The following NFX1 variants were observed in gnomAD, a reference collection of about 807,000 sequenced individuals.
The protein encoded by NFX1 is nuclear transcription factor, X-box binding 1.
NFX1 carries 69 observed loss-of-function variants against 137.2 expected under a neutral mutation model. The observed-to-expected ratio is 0.50, with a 90% confidence interval of 0.41 to 0.61. NFX1 has a LOEUF of 0.61. Ranked by LOEUF, NFX1 falls within the 20% of genes least tolerant of loss-of-function variation. The pLI, the probability that NFX1 is intolerant of heterozygous loss-of-function variation, is 0.00. For synonymous variants in NFX1, 495 were observed against 474.1 expected (o/e 1.04, Z -0.57); for missense variants, 1,167 against 1,391.0 (o/e 0.84, Z 2.56).
At chr9:33,317,290 G>A (rs1021960014) in intron 7 of NFX1, among the ~76,000 whole-genome samples, 14 of 151,496 alleles carry the variant, frequency 9.2e-5, no homozygotes, top group Admixed American at 2.6e-4. Context: ...GTAGTGGCAC[G>A]CACCTGTACT....
chr9:33,293,903 A>G (rs1426447821), intron 1 of NFX1, among the ~76,000 whole-genome samples: 2 of 152,244 alleles, frequency 1.3e-5, no homozygotes, highest in Non-Finnish European at 2.9e-5. Context: ...TGAAATAAGT[A>G]TTGTCATCCT....
intron 9 of NFX1, among the ~76,000 whole-genome samples, chr9:33,324,611 G>A (rs998762962): frequency 1.3e-5 from 2 of 151,990 alleles, no homozygotes; most frequent in South Asian, 2.1e-4. Flanking sequence ...CAGAAGAAAC[G>A]ATCAGTGAAC....
intron 11 of NFX1, among the ~76,000 whole-genome samples, chr9:33,334,524 A>T (rs1018091946): frequency 6.6e-6 from 1 of 151,492 alleles, no homozygotes; most frequent in African/African-American, 2.4e-5. Context: ...TATGAAGTTT[A>T]AAAAAAAATA....
At chr9:33,335,112 A>G (rs4879685) in intron 11 of NFX1, among the ~76,000 whole-genome samples, 89,989 of 152,044 alleles carry the variant, frequency 0.59, 32,268 homozygotes, top group Non-Finnish European at 0.77. Flanking sequence ...TTCACATAAC[A>G]TAATTAACCA....
At chr9:33,322,259 A>G (rs766650826) in intron 9 of NFX1, among the ~76,000 whole-genome samples, 4 of 151,954 alleles carry the variant, frequency 2.6e-5, no homozygotes, top group Non-Finnish European at 5.9e-5. Flanking sequence ...AAATGAAGAC[A>G]TATTTATTCA....
chr9:33,342,903 A>T (rs756761905), intron 13 of NFX1, 49 bp downstream of exon 13: 15 of 1,209,674 alleles, frequency 1.2e-5, no homozygotes, highest in Non-Finnish European at 1.8e-5. Flanking sequence ...TTAGAAATTC[A>T]GACATAATAT....
intron 9 of NFX1, among the ~76,000 whole-genome samples, chr9:33,326,773 T>C (rs1429477325): frequency 1.3e-5 from 2 of 152,326 alleles, no homozygotes; most frequent in Middle Eastern, 3.4e-3. Context: ...TCAGCTTCTT[T>C]AATAGATATA....
intron 7 of NFX1, among the ~76,000 whole-genome samples, chr9:33,317,440 GAAAGA>G (rs780936274): frequency 4.0e-4 from 51 of 128,356 alleles, no homozygotes; most frequent in African/African-American, 8.4e-4. Flanking sequence ...AAAAAAGAAA[GAAAGA>G]AAAGAAAAGA....
At chr9:33,301,536 G>A in intron 3 of NFX1, 115 bp downstream of exon 3, 1 of 1,124,690 alleles carries the variant, frequency 8.9e-7, no homozygotes, top group Non-Finnish European at 1.3e-6. Flanking sequence ...TTTCTGCAGG[G>A]AGAGTATGTT....
intron 21 of NFX1, among the ~76,000 whole-genome samples, 154 bp from the exon 22 acceptor site, chr9:33,366,475 C>T (rs151073937): frequency 6.6e-6 from 1 of 152,276 alleles, no homozygotes; most frequent in East Asian, 1.9e-4. Flanking sequence ...CCAAACCCCT[C>T]CAGGCTTGCT....
At chr9:33,310,778 A>G (rs1205113516) in intron 5 of NFX1, among the ~76,000 whole-genome samples, 1 of 152,174 alleles carries the variant, frequency 6.6e-6, no homozygotes, top group Admixed American at 6.5e-5. Flanking sequence ...GTAGCAAACT[A>G]TTTTTATCCC....
chr9:33,323,389 A>G (rs1254292519), intron 9 of NFX1, among the ~76,000 whole-genome samples: 1 of 152,226 alleles, frequency 6.6e-6, no homozygotes, highest in Non-Finnish European at 1.5e-5. Flanking sequence ...AAAACAGGCA[A>G]CAGAAACTGC....
chr9:33,325,918 T>C (rs1375068945), intron 9 of NFX1, among the ~76,000 whole-genome samples: 1 of 152,150 alleles, frequency 6.6e-6, no homozygotes, highest in Non-Finnish European at 1.5e-5. Flanking sequence ...TATTTCTTCT[T>C]CTCAACTGAT....
chr9:33,335,697 A>T (rs1267038806), intron 11 of NFX1, among the ~76,000 whole-genome samples: 1 of 152,042 alleles, frequency 6.6e-6, no homozygotes, highest in Non-Finnish European at 1.5e-5. Context: ...TTAATTAAGC[A>T]TTTACTCCCC....
intron 4 of NFX1, among the ~76,000 whole-genome samples, chr9:33,305,868 A>C (rs950558557): frequency 6.6e-6 from 1 of 152,234 alleles, no homozygotes; most frequent in South Asian, 2.1e-4. Flanking sequence ...GCAATATTTG[A>C]GGAAAGACCA....
Position 33,344,180 on chromosome 9 carries a change from A to G in NFX1, c.2336A>G (p.Asp779Gly). The G allele has an allele frequency of 2.5e-6, 4 of 1,613,882 alleles. No individual in the cohort carries two copies. The highest frequency in any genetic ancestry group is 3.4e-6 in the Non-Finnish European group (4 of 1,179,870). The change falls in exon 14 of 24, where the codon GAC becomes GGC. Residue 779 changes from aspartate to glycine, a missense_variant. Physicochemically the swap from Asp to Gly is moderately conservative, Grantham distance 94 (BLOSUM62 -1). Around this residue, in one of 3 missense-constraint regions of NFX1, gnomAD observed 488 missense variants for 691.5 expected, o/e 0.71. Coordinates refer to ENST00000379540, the MANE Select transcript of NFX1 (RefSeq NM_002504.6). ...ACCTGCGCTAGAGTCCATGAGTGTG[A>G]CCATCCAGGTGAGTACCAACTTGTC... ...TQTCARVHEC[D>G]HPVYHSCHSE...
Position 33,294,534 on chromosome 9 carries a change from A to G in NFX1, c.140A>G (p.Asn47Ser). Residue 47 changes from asparagine (N) to serine (S), a missense_variant, in exon 2 of 24, where the codon AAT becomes AGT. By Grantham distance (46) the Asn-to-Ser change is conservative (BLOSUM62 1). Transcript: ENST00000379540. Reference sequence around the variant, plus strand: ...GACTCTAATAGGATTGGTAGAAGAAATTACAGTTCACCACCTCCCTGTCAC... The same window carrying G: ...GACTCTAATAGGATTGGTAGAAGAAGTTACAGTTCACCACCTCCCTGTCAC... The part of the protein sequence containing the change: ...RLDSNRIGRR[N>S]YSSPPPCHLS... 6.2e-7 allele frequency: 1 copy of G among 1,614,198 alleles called. No homozygotes were observed. Among genetic ancestry groups the G allele is most frequent in the Non-Finnish European group, 8.5e-7 (1 of 1,180,038 alleles).
At chr9:33,301,544 G>C in intron 3 of NFX1, 123 bp downstream of exon 3, 1 of 997,704 alleles carries the variant, frequency 1.0e-6, no homozygotes, top group Middle Eastern at 2.9e-4. Flanking sequence ...GGGAGAGTAT[G>C]TTACCTTGAT....
chr9:33,328,748 G>A, intron 10 of NFX1, 70 bp downstream of exon 10: 2 of 1,295,724 alleles, frequency 1.5e-6, no homozygotes, highest in Non-Finnish European at 2.2e-6. Flanking sequence ...TGGGAGGGGA[G>A]GAATCAAAAT....
Sources: allele counts gnomAD v4.1 joint callset (sites outside exome capture counted in the v4.1 genomes callset), GRCh38; gene constraint gnomAD v4.1.1; regional missense constraint gnomAD v4.1.1; transcripts MANE v1.5; gene names NCBI Gene and HGNC (gene_info 2026-07-23, HGNC 2026-07-21).